Variants in PRSS36 observed in about 807,000 individuals in gnomAD.
PRSS36 encodes serine protease 36, also known as polyserase-2.
Under a neutral mutation model 94.3 loss-of-function variants are expected in PRSS36, and 90 were observed. The observed-to-expected ratio is 0.95, with a 90% CI of 0.80 to 1.14. The LOEUF (loss-of-function observed/expected upper bound fraction) is 1.14. Among genes scored for constraint, PRSS36 ranks in the 50% most tolerant of loss-of-function variants. The pLI is 0.00. For synonymous variants in PRSS36, 500 were observed against 489.6 expected (o/e 1.02, Z -0.28); for missense variants, 1,158 against 1,135.0 (o/e 1.02, Z -0.29).
Position 31,141,927 on chromosome 16 carries a change from C to T in PRSS36, c.1555G>A (p.Glu519Lys). 4 of 1,614,160 alleles carry T rather than the reference C, an allele frequency of 2.5e-6. No homozygotes were observed. The highest frequency in any genetic ancestry group is 3.4e-6 in the Non-Finnish European group (4 of 1,180,018). Residue 519 changes from glutamate to lysine, a missense_variant, in exon 11 of 15, where the codon GAG becomes AAG. By Grantham distance (56) the Glu-to-Lys change is moderately conservative. Transcript: ENST00000268281. ...ATTCCAGCCAGAAACCAGGTCCCCT[C>T]CTCCTGGCACAAAAGGCTCCAACGC... ...DSRWSLLCQE[E>K]GTWFLAGIRD...
Position 31,142,824 on chromosome 16 carries a change from C to T in PRSS36, c.1270G>A (p.Ala424Thr), listed in dbSNP as rs200444327. The T allele has an allele frequency of 3.2e-4, 499 of 1,538,824 alleles. 1 individual carries two copies. In the African/African-American group the frequency reaches 5.4e-3, roughly 17 times the overall value. ...LQLRTPVNLS[A>T]ASRPVCLPHP... is the part of the protein sequence containing the mutation. ...GGTAGGCACACGGGCCGCGAAGCCG[C>T]GCTCAGGTTCACGGGCGTGCGCAGC... is the stretch of plus-strand genomic sequence containing the variant. Residue 424 changes from alanine (A) to threonine (T), a missense_variant, in exon 9 of 15, where the codon GCG (alanine) becomes ACG (threonine). Physicochemically the swap from Ala to Thr is moderately conservative, Grantham distance 58. Coordinates refer to ENST00000268281, the MANE Select transcript of PRSS36 (RefSeq NM_173502.5).
chr16:31,149,836 C>G lies in PRSS36; in HGVS notation c.38-105G>C, dbSNP rs2057871302. The G allele has an allele frequency of 1.9e-6, 3 of 1,561,892 alleles. No individual in the cohort carries two copies. In the African/African-American group the frequency reaches 4.1e-5, roughly 21 times the overall value. Reference sequence around the variant, plus strand: ...CCTAGCCTCCGTCTCCCCAGGGCACCCAGGCCTCCCTCTCCCTCCTCTGAT... The same window carrying G: ...CCTAGCCTCCGTCTCCCCAGGGCACGCAGGCCTCCCTCTCCCTCCTCTGAT... On this transcript the variant is annotated intron_variant, in intron 1 of 14. Coordinates refer to ENST00000268281, the MANE Select transcript of PRSS36 (RefSeq NM_173502.5).
Position 31,142,044 on chromosome 16 carries a change from A to G in PRSS36, c.1522-84T>C, listed in dbSNP as rs180960231. On this transcript the variant is annotated intron_variant, in intron 10 of 14. Coordinates refer to ENST00000268281, the MANE Select transcript of PRSS36 (RefSeq NM_173502.5). The stretch of plus-strand genomic sequence containing the variant: ...CTCCTGGGGCTTTCCAGGACTCCAG[A>G]TTTTCCCATTTGCGGAAGTATCAAG... 87 of 1,215,074 alleles carry G rather than the reference A, an allele frequency of 7.2e-5. No homozygotes were observed. In the East Asian group the frequency reaches 2.0e-3, roughly 28 times the overall value. 75.3% of individuals were successfully genotyped at this position (1,215,074 alleles called of 1,614,324 possible).
Position 31,140,741 on chromosome 16 carries a change from C to G in PRSS36, c.1918G>C (p.Val640Leu), listed in dbSNP as rs754613378. The G allele has an allele frequency of 1.8e-5, 29 of 1,613,932 alleles. No individual in the cohort carries two copies. Among genetic ancestry groups the G allele is most frequent in the Non-Finnish European group, 2.5e-5 (29 of 1,179,970 alleles). ...CCCAGATACACTTCAATGTAAGGCA[C>G]TGTTGTAGAGCCTGGCCTGTTGGAA... is the stretch of plus-strand genomic sequence containing the variant. Reference protein sequence around the residue: ...HCVLRPGSTTVPYIEVYLGRA... With the variant: ...HCVLRPGSTTLPYIEVYLGRA... The change falls in exon 13 of 15, where the codon GTG becomes CTG. Residue 640 changes from valine (V) to leucine (L), a missense_variant. Transcript: ENST00000268281.
At position 31,140,595 on chromosome 16, in the gene PRSS36, C is replaced by G. The variant is rs746493027; in HGVS notation, c.2064G>C (p.Arg688=). 1 of 1,607,940 alleles carries G rather than the reference C, an allele frequency of 6.2e-7. No homozygotes were observed. The highest frequency in any genetic ancestry group is 1.7e-5 in the Admixed American group (1 of 59,430). The change falls in exon 13 of 15, where the codon CGG becomes CGC. Residue 688 remains arginine, a synonymous_variant. Coordinates refer to ENST00000268281, the MANE Select transcript of PRSS36 (RefSeq NM_173502.5). ...PPLALLELSS[R]VEPSPSALPI... ...GCAGGGCTGATGGGGAGGGCTCCAC[C>G]CGGGAGCTCAGCTCCAGGAGGGCCA...
rs368480655 is a variant in PRSS36, at chr16:31,139,260, TG to T, written c.2445del (p.Ser816ValfsTer34). On this transcript the variant is annotated frameshift_variant, in exon 15 of 15. Transcript: ENST00000268281. LOFTEE classifies it low-confidence loss of function (END_TRUNC). ...QTVGEANFLP[P>X]SGSPHWPTGG... The stretch of plus-strand genomic sequence containing the variant: ...CCAGTGGGCCAGTGTGGGGAGCCAC[TG>T]GGGGGCAGGAAGTTGGCCTCTCCCA... 6.8e-6 allele frequency: 11 copies of T among 1,613,976 alleles called. No homozygotes were observed. Among genetic ancestry groups the T allele is most frequent in the East Asian group, 2.2e-5 (1 of 44,890 alleles).
At chr16:31,148,046 G>A (rs901988745) in intron 5 of PRSS36, among the ~76,000 whole-genome samples, 2 of 152,128 alleles carry the variant, frequency 1.3e-5, no homozygotes, top group African/African-American at 4.8e-5. Context: ...TTTTCCTCGT[G>A]TTACAGATGA....
chr16:31,142,625 G>A lies in PRSS36; in HGVS notation c.1377C>T (p.Gly459=). The A allele has an allele frequency of 1.3e-6, 2 of 1,492,518 alleles. No homozygotes were observed. The highest frequency in any genetic ancestry group is 1.4e-5 in the African/African-American group (1 of 69,472). 92.5% of individuals were successfully genotyped at this position (1,492,518 alleles called of 1,614,324 possible). ...WGRGEPALGP[G]ALLEAELLGG... Reference sequence around the variant, plus strand: ...CTAACAGCTCCGCCTCCAGCAGCGCGCCTGGGCCAAGCGCGGGTTCTGGAA... The same window carrying A: ...CTAACAGCTCCGCCTCCAGCAGCGCACCTGGGCCAAGCGCGGGTTCTGGAA... Residue 459 remains glycine, a synonymous_variant, in exon 10 of 15, where the codon GGC becomes GGT. Coordinates refer to ENST00000268281, the MANE Select transcript of PRSS36 (RefSeq NM_173502.5).
chr16:31,149,337 G>C (rs2057861063), intron 3 of PRSS36, 102 bp from the exon 4 acceptor site: 1 of 1,519,278 alleles, frequency 6.6e-7, no homozygotes. Flanking sequence ...ACTTCAGTTT[G>C]CCCCTCTGAA....
At chr16:31,146,571 C>T (rs1807468291) in intron 5 of PRSS36, among the ~76,000 whole-genome samples, 1 of 152,154 alleles carries the variant, frequency 6.6e-6, no homozygotes, top group Non-Finnish European at 1.5e-5. Context: ...AAACGGATCA[C>T]ACTGTCTAAA....
In PRSS36 at chr16:31,139,381, C is replaced by T. The variant is rs373502698; in HGVS notation, c.2325G>A (p.Thr775=). Residue 775 remains threonine (T), a synonymous_variant, in exon 15 of 15, where the codon ACG becomes ACA. Coordinates refer to ENST00000268281, the MANE Select transcript of PRSS36 (RefSeq NM_173502.5). ...TSAPPLLCQM[T]EGSWILVGMA... The stretch of plus-strand genomic sequence containing the variant: ...TGCCCACGAGGATCCAGGACCCTTC[C>T]GTCATCTGGCACAGGAGGGGCGGTG... The T allele has an allele frequency of 1.7e-4, 270 of 1,613,966 alleles. No individual in the cohort carries two copies. The highest frequency in any genetic ancestry group is 2.2e-4 in the Non-Finnish European group (254 of 1,179,998).
Position 31,142,470 on chromosome 16 carries a change from C to T in PRSS36, c.1521+11G>A. 1 of 1,447,086 alleles carries T rather than the reference C, an allele frequency of 6.9e-7. No individual in the cohort carries two copies. The highest frequency in any genetic ancestry group is 2.6e-5 in the East Asian group (1 of 37,938). The allele number at this position is 1,447,086 out of a possible 1,614,324, so 89.6% of individuals were successfully genotyped here. ...GGCCCGCGTTCCGCGGGCCCCGCCC[C>T]CGCCGCTTACCCAGCAGCTGCCCAC... On this transcript the variant is annotated intron_variant, in intron 10 of 14. Coordinates refer to ENST00000268281, the MANE Select transcript of PRSS36 (RefSeq NM_173502.5).
Position 31,143,055 on chromosome 16 carries a change from C to A in PRSS36, c.1101-62G>T, listed in dbSNP as rs1484195865. ...CGCACACGTGGCTGGAAACCTCACA[C>A]CCCGGCTTAGACTTGCCAGGCGAGG... On this transcript the variant is annotated intron_variant, in intron 8 of 14. Transcript: ENST00000268281. The A allele has an allele frequency of 2.9e-6, 4 of 1,380,348 alleles. No individual in the cohort carries two copies. In the African/African-American group the frequency reaches 4.5e-5, roughly 16 times the overall value. 85.5% of individuals were successfully genotyped at this position (1,380,348 alleles called of 1,614,324 possible). A position where few individuals can be genotyped will look rare whatever the true frequency, so the allele number is the denominator to read the frequency against.
At chr16:31,149,818 T>G in intron 1 of PRSS36, 87 bp from the exon 2 acceptor site, 1 of 1,595,246 alleles carries the variant, frequency 6.3e-7, no homozygotes, top group Non-Finnish European at 8.6e-7. Flanking sequence ...CCTCCTAGCC[T>G]CCGTCTCCCC....
chr16:31,140,740 A>C lies in PRSS36; in HGVS notation c.1919T>G (p.Val640Gly). The C allele has an allele frequency of 6.2e-7, 1 of 1,613,950 alleles. No homozygotes were observed. Among genetic ancestry groups the C allele is most frequent in the Non-Finnish European group, 8.5e-7 (1 of 1,179,936 alleles). The change falls in exon 13 of 15, where the codon GTG becomes GGG. Residue 640 changes from valine (V) to glycine (G), a missense_variant. Physicochemically the swap from Val to Gly is moderately radical, Grantham distance 109. Coordinates refer to ENST00000268281, the MANE Select transcript of PRSS36 (RefSeq NM_173502.5). ...GCCCAGATACACTTCAATGTAAGGC[A>C]CTGTTGTAGAGCCTGGCCTGTTGGA... ...HCVLRPGSTT[V>G]PYIEVYLGRA...
In PRSS36 at chr16:31,140,619, CA is replaced by C. The variant is rs745641763; in HGVS notation, c.2039del (p.Leu680ArgfsTer6). 7.3e-5 allele frequency: 117 copies of C among 1,611,828 alleles called. No individual in the cohort carries two copies. The highest frequency in any genetic ancestry group is 5.7e-4 in the South Asian group (52 of 90,868). On this transcript the variant is annotated frameshift_variant, in exon 13 of 15. Coordinates refer to ENST00000268281, the MANE Select transcript of PRSS36 (RefSeq NM_173502.5). LOFTEE classifies it high-confidence loss of function. ...LPQHLGLRPP[L>X]ALLELSSRVE... ...CCCGGGAGCTCAGCTCCAGGAGGGC[CA>C]GGGGGGGCCTGAGTCCCAGGTGCTG...
At chr16:31,148,907 C>G (rs764416439) in intron 4 of PRSS36, among the ~76,000 whole-genome samples, 166 bp downstream of exon 4, 6 of 152,108 alleles carry the variant, frequency 3.9e-5, no homozygotes, top group Non-Finnish European at 7.4e-5. Context: ...AGTCCGGCAG[C>G]CTTGCCCCAC....
At position 31,143,435 on chromosome 16, in the gene PRSS36, C is replaced by G. The variant is rs1454617094; in HGVS notation, c.1007G>C (p.Trp336Ser). ...TCCTGGCACCATCACCTGGGCCTCC[C>G]AGGGCCAGGCCCCTGGCCGCGGGGC... Reference protein sequence around the residue: ...GKAPRPGAWPWEAQVMVPGSR... With the variant: ...GKAPRPGAWPSEAQVMVPGSR... The change falls in exon 8 of 15, where the codon TGG becomes TCG. Residue 336 changes from tryptophan to serine, a missense_variant. By Grantham distance (177) the Trp-to-Ser change is radical. Transcript: ENST00000268281. 5.0e-6 allele frequency: 8 copies of G among 1,612,356 alleles called. No homozygotes were observed. Among genetic ancestry groups the G allele is most frequent in the Non-Finnish European group, 6.8e-6 (8 of 1,179,406 alleles).
In PRSS36 at chr16:31,141,821, G is replaced by A. The variant is rs1222377348; in HGVS notation, c.1661C>T (p.Thr554Ile). 4 of 1,614,072 alleles carry A rather than the reference G, an allele frequency of 2.5e-6. No individual in the cohort carries two copies. Among genetic ancestry groups the A allele is most frequent in the Non-Finnish European group, 3.4e-6 (4 of 1,180,046 alleles). The part of the protein sequence containing the change: ...QTHGPWISHV[T>I]RGAYLEDQLA... Reference sequence around the variant, plus strand: ...CTGGTCCTCCAGGTAGGCTCCCCGAGTCACATGGCTGATCCATGGGCCATG... The same window carrying A: ...CTGGTCCTCCAGGTAGGCTCCCCGAATCACATGGCTGATCCATGGGCCATG... The change falls in exon 11 of 15, where the codon ACT (threonine) becomes ATT (isoleucine). Residue 554 changes from threonine to isoleucine, a missense_variant. Physicochemically the swap from Thr to Ile is moderately conservative, Grantham distance 89. Transcript: ENST00000268281.
Sources: gnomAD v4.1 joint callset for allele counts (sites outside exome capture counted in the v4.1 genomes callset) on GRCh38, gnomAD v4.1.1 for gene constraint, MANE v1.5 for transcripts, NCBI Gene and HGNC (gene_info 2026-07-23, HGNC 2026-07-21) for gene names.